The following GALK2 variants were observed in gnomAD, a reference collection of about 807,000 sequenced individuals.
GALK2 encodes the protein galactokinase 2, also known as N-acetylgalactosamine kinase.
A neutral mutation model predicts 52.4 loss-of-function variants in GALK2; 36 were observed. The ratio of observed to expected loss-of-function variants is 0.69; its 90% confidence interval spans 0.53 to 0.91. The LOEUF (loss-of-function observed/expected upper bound fraction) is 0.91. GALK2 is among the 40% of genes least tolerant of loss of function. The pLI is 0.00. For missense variants in GALK2, 579 were observed against 559.1 expected, an observed-to-expected ratio of 1.04 and a Z score of -0.36; for synonymous variants, 176 against 199.1, an observed-to-expected ratio of 0.88 and a Z score of 0.98.
intron 3 of GALK2, among the ~76,000 whole-genome samples, chr15:49,349,854 AAAAAC>A (rs546612405): frequency 7.2e-5 from 11 of 152,166 alleles, no homozygotes; most frequent in Admixed American, 3.3e-4. Flanking sequence ...AAAAACGATA[AAAAAC>A]AAAACAAAAC....
upstream of GALK2, chr15:49,170,066 C>A: frequency 1.5e-6 from 1 of 672,994 alleles, no homozygotes; most frequent in Non-Finnish European, 2.3e-6. Context: ...GGCCCTAGTC[C>A]CTCCCTGGGA....
intron 5 of GALK2, among the ~76,000 whole-genome samples, chr15:49,280,735 G>A (rs572036665): frequency 6.6e-6 from 1 of 152,296 alleles, no homozygotes; most frequent in East Asian, 1.9e-4. Context: ...AGTAGTGTGA[G>A]TATTAGACGA....
At chr15:49,308,467 A>G (rs1218889253) in intron 8 of GALK2, among the ~76,000 whole-genome samples, 1 of 152,244 alleles carries the variant, frequency 6.6e-6, no homozygotes, top group African/African-American at 2.4e-5. Context: ...TCAGACCAGC[A>G]TATTTATTCT....
chr15:49,287,627 A>G (rs2033505092), intron 7 of GALK2, among the ~76,000 whole-genome samples: 1 of 152,212 alleles, frequency 6.6e-6, no homozygotes, highest in Admixed American at 6.5e-5. Flanking sequence ...AGTTTAAAAA[A>G]AAGCTTATCT....
At chr15:49,220,914 C>A (rs377056053) in intron 3 of GALK2, among the ~76,000 whole-genome samples, 50 of 152,216 alleles carry the variant, frequency 3.3e-4, no homozygotes, top group African/African-American at 1.2e-3. Context: ...TATTTGTCCA[C>A]TTTTAAATGG....
At chr15:49,228,046 A>G (rs1015745580) in intron 3 of GALK2, among the ~76,000 whole-genome samples, 28 of 151,582 alleles carry the variant, frequency 1.8e-4, no homozygotes, top group African/African-American at 6.8e-4. Flanking sequence ...ATATCATCCC[A>G]TTTTCTCAGG....
intron 5 of GALK2, among the ~76,000 whole-genome samples, chr15:49,257,688 GT>G (rs955824670): frequency 6.6e-6 from 1 of 152,064 alleles, no homozygotes; most frequent in African/African-American, 2.4e-5. Context: ...TCAAGTGTGA[GT>G]TTTAGCACTG....
chr15:49,320,809 A>G (rs2151087053), intron 9 of GALK2, among the ~76,000 whole-genome samples: 1 of 152,312 alleles, frequency 6.6e-6, no homozygotes, highest in African/African-American at 2.4e-5. Flanking sequence ...CCTTTTCTGA[A>G]AATATCAAGG....
At chr15:49,295,644 A>C (rs1283974318) in intron 8 of GALK2, among the ~76,000 whole-genome samples, 1 of 152,114 alleles carries the variant, frequency 6.6e-6, no homozygotes, top group Non-Finnish European at 1.5e-5. Flanking sequence ...GTCCCTTTTG[A>C]GCCCATACTT....
At chr15:49,333,494 T>C (rs915883488), downstream of GALK2, among the ~76,000 whole-genome samples, 14 of 152,214 alleles carry the variant, frequency 9.2e-5, no homozygotes, top group African/African-American at 3.4e-4. Context: ...CTATGTGGAT[T>C]TGATTTTTGG....
At chr15:49,335,356 T>C (rs1262680844), downstream of GALK2, 20 of 1,078,454 alleles carry the variant, frequency 1.9e-5, no homozygotes, top group Non-Finnish European at 2.4e-5. Context: ...ATGATTTCTC[T>C]GATTGTTTCC....
At chr15:49,320,735 C>T (rs2036806411) in intron 9 of GALK2, among the ~76,000 whole-genome samples, 1 of 152,234 alleles carries the variant, frequency 6.6e-6, no homozygotes, top group Non-Finnish European at 1.5e-5. Context: ...ATGAAGATCA[C>T]TCTGCTGACA....
intron 5 of GALK2, among the ~76,000 whole-genome samples, chr15:49,261,893 C>T (rs2092129232): frequency 6.6e-6 from 1 of 152,048 alleles, no homozygotes; most frequent in Admixed American, 6.5e-5. Flanking sequence ...TATATTGAAC[C>T]AGCCTTGCAT....
chr15:49,168,481 G>T (rs182902875), upstream of GALK2, among the ~76,000 whole-genome samples: 1,799 of 152,272 alleles, frequency 0.012, 21 homozygotes, highest in Middle Eastern at 0.031. Flanking sequence ...AATTTTGGAA[G>T]GCCGAGGTGG....
intron 9 of GALK2, 87 bp from the exon 10 acceptor site, chr15:49,327,865 T>TA (rs1382595703): frequency 2.3e-6 from 3 of 1,280,220 alleles, no homozygotes; most frequent in African/African-American, 3.0e-5. Flanking sequence ...TCTTAGAACT[T>TA]AGATAGGCTA....
intron 8 of GALK2, among the ~76,000 whole-genome samples, chr15:49,297,279 T>G (rs2034566455): frequency 6.6e-6 from 1 of 152,192 alleles, no homozygotes; most frequent in Non-Finnish European, 1.5e-5. Context: ...ATGGAGTTAT[T>G]TGTTTCTTGC....
chr15:49,190,341 G>GCC (rs1566919720), intron 1 of GALK2, among the ~76,000 whole-genome samples: 1 of 151,954 alleles, frequency 6.6e-6, no homozygotes, highest in Non-Finnish European at 1.5e-5. Context: ...GCAACTGATT[G>GCC]CCCCCTGGCT....
intron 3 of GALK2, among the ~76,000 whole-genome samples, chr15:49,337,999 T>C (rs1202122747): frequency 6.6e-6 from 1 of 152,254 alleles, no homozygotes; most frequent in Admixed American, 6.5e-5. Context: ...GAATGATTTA[T>C]AATCCTTTGT....
At chr15:49,360,563 T>C (rs1215348828) in intron 3 of GALK2, among the ~76,000 whole-genome samples, 2 of 124,040 alleles carry the variant, frequency 1.6e-5, no homozygotes, top group East Asian at 2.3e-4. Flanking sequence ...AGGTGGCTTA[T>C]AAAAACATAG....
Sources: allele counts gnomAD v4.1 joint callset (sites outside exome capture counted in the v4.1 genomes callset), GRCh38; gene constraint gnomAD v4.1.1; transcripts MANE v1.5; gene names NCBI Gene and HGNC (gene_info 2026-07-23, HGNC 2026-07-21).